The following DAB1 variants were observed in gnomAD, a reference collection of about 807,000 sequenced individuals.
The protein encoded by DAB1 is disabled homolog 1.
In DAB1, 15 loss-of-function variants were observed where a neutral mutation model predicts 64.6. The observed-to-expected ratio is 0.23, with a 90% confidence interval of 0.16 to 0.36. DAB1 has a LOEUF of 0.36. Among genes scored for constraint, DAB1 ranks in the 10% least tolerant of loss-of-function variants. DAB1 has a pLI of 1.00. For synonymous variants in DAB1, 235 were observed against 251.9 expected, an observed-to-expected ratio of 0.93 and a Z score of 0.64; for missense variants, 596 against 706.7, an observed-to-expected ratio of 0.84 and a Z score of 1.78.
intron 1 of DAB1, chr1:58,538,968 T>C (rs765120826): frequency 1.1e-6 from 1 of 872,886 alleles, no homozygotes. Flanking sequence ...CTTCTTTTAT[T>C]AGCAGCTGTC....
At chr1:57,078,079 T>A (rs1039265417) in intron 4 of DAB1, among the ~76,000 whole-genome samples, 4 of 152,196 alleles carry the variant, frequency 2.6e-5, no homozygotes, top group Non-Finnish European at 5.9e-5. Context: ...TTCTAACATA[T>A]TTTTGGATGT....
intron 1 of DAB1, among the ~76,000 whole-genome samples, chr1:58,530,030 G>A (rs1350567973): frequency 6.6e-6 from 1 of 152,162 alleles, no homozygotes; most frequent in East Asian, 1.9e-4. Context: ...ACAGGCGCCC[G>A]CCACAACGCC....
intron 3 of DAB1, among the ~76,000 whole-genome samples, chr1:58,503,002 C>T (rs1645930372): frequency 6.6e-6 from 1 of 152,156 alleles, no homozygotes; most frequent in African/African-American, 2.4e-5. Flanking sequence ...TCTTCCTACT[C>T]ACTAATCAAT....
At chr1:58,508,380 T>G (rs76635821) in intron 2 of DAB1, among the ~76,000 whole-genome samples, 3 of 152,182 alleles carry the variant, frequency 2.0e-5, no homozygotes, top group African/African-American at 7.2e-5. Context: ...CTTCCCCACA[T>G]GAACACACTG....
At chr1:57,458,186 T>A (rs1266825841) in intron 7 of DAB1, among the ~76,000 whole-genome samples, 1 of 152,178 alleles carries the variant, frequency 6.6e-6, no homozygotes, top group East Asian at 1.9e-4. Context: ...TATATTCTTT[T>A]GTAATTTTTT....
intron 2 of DAB1, among the ~76,000 whole-genome samples, chr1:58,508,218 T>C (rs1646020262): frequency 6.6e-6 from 1 of 152,198 alleles, no homozygotes; most frequent in Non-Finnish European, 1.5e-5. Context: ...GTGTTGAGTT[T>C]GTCTGTACTT....
intron 1 of DAB1, among the ~76,000 whole-genome samples, chr1:57,349,166 C>T (rs1678368909): frequency 6.6e-6 from 1 of 152,158 alleles, no homozygotes; most frequent in African/African-American, 2.4e-5. Flanking sequence ...ATAACTCGTC[C>T]TGTGACCCTG....
chr1:58,138,498 C>T (rs1654074867), intron 5 of DAB1, among the ~76,000 whole-genome samples: 1 of 152,124 alleles, frequency 6.6e-6, no homozygotes, highest in Non-Finnish European at 1.5e-5. Flanking sequence ...AAAAAGCACA[C>T]AAACAGGGAA....
At chr1:57,519,658 C>T (rs1644503577) in intron 7 of DAB1, among the ~76,000 whole-genome samples, 1 of 152,082 alleles carries the variant, frequency 6.6e-6, no homozygotes, top group Non-Finnish European at 1.5e-5. Context: ...GATTCCTGTG[C>T]TGAGAAATAA....
At chr1:57,606,848 G>A (rs1252394868) in intron 7 of DAB1, among the ~76,000 whole-genome samples, 1 of 148,362 alleles carries the variant, frequency 6.7e-6, no homozygotes, top group East Asian at 2.0e-4. Context: ...AGAGTGCAAT[G>A]GTACGATCTC....
intron 6 of DAB1, among the ~76,000 whole-genome samples, chr1:57,682,085 C>T (rs1646642499): frequency 6.6e-6 from 1 of 151,716 alleles, no homozygotes; most frequent in South Asian, 2.1e-4. Context: ...ACACCAGCAA[C>T]AATAAAGTGA....
At chr1:57,753,267 T>A (rs982298629) in intron 6 of DAB1, among the ~76,000 whole-genome samples, 2 of 152,202 alleles carry the variant, frequency 1.3e-5, no homozygotes, top group Non-Finnish European at 2.9e-5. Context: ...GTCGAAGCGC[T>A]GACTGATGGG....
At chr1:57,084,425 A>C (rs1652853018) in intron 4 of DAB1, among the ~76,000 whole-genome samples, 1 of 152,154 alleles carries the variant, frequency 6.6e-6, no homozygotes, top group Admixed American at 6.5e-5. Flanking sequence ...AGGCTCTAAA[A>C]CTATACAACA....
At chr1:57,023,381 C>G in intron 11 of DAB1, 150 bp downstream of exon 11, 1 of 593,132 alleles carries the variant, frequency 1.7e-6, no homozygotes, top group South Asian at 2.0e-5. Flanking sequence ...AACACCACCT[C>G]CTCCTCTAAA....
chr1:58,506,799 A>C (rs906917908), intron 2 of DAB1, among the ~76,000 whole-genome samples: 4 of 152,206 alleles, frequency 2.6e-5, no homozygotes, highest in African/African-American at 9.6e-5. Flanking sequence ...TTTATTATGC[A>C]CATCAATTTA....
At chr1:58,375,245 C>T (rs1644312239) in intron 3 of DAB1, among the ~76,000 whole-genome samples, 1 of 146,408 alleles carries the variant, frequency 6.8e-6, no homozygotes, top group South Asian at 2.2e-4. Flanking sequence ...GAGAGGGCAT[C>T]CCTGTCTTGT....
At chr1:58,137,958 A>C (rs1654040319) in intron 5 of DAB1, among the ~76,000 whole-genome samples, 1 of 152,154 alleles carries the variant, frequency 6.6e-6, no homozygotes, top group Non-Finnish European at 1.5e-5. Context: ...GGAAGGTCTG[A>C]CATTTGAGGG....
chr1:57,214,972 T>A (rs1312947779), intron 2 of DAB1, among the ~76,000 whole-genome samples: 1 of 143,366 alleles, frequency 7.0e-6, no homozygotes, highest in Non-Finnish European at 1.5e-5. Context: ...ACAAAACACA[T>A]GGTGAAAATT....
chr1:57,341,835 T>C (rs187529050), intron 1 of DAB1, among the ~76,000 whole-genome samples: 1 of 152,194 alleles, frequency 6.6e-6, no homozygotes, highest in East Asian at 1.9e-4. Context: ...GAATGCTACG[T>C]GTAAGAACCT....
Sources: allele counts gnomAD v4.1 joint callset (sites outside exome capture counted in the v4.1 genomes callset), GRCh38; gene constraint gnomAD v4.1.1; transcripts MANE v1.5; gene names NCBI Gene and HGNC (gene_info 2026-07-23, HGNC 2026-07-21).